Variants in KIF1A observed in about 807,000 individuals in gnomAD.
KIF1A encodes the protein kinesin-like protein KIF1A.
In KIF1A, 46 loss-of-function variants were observed where a neutral mutation model predicts 227.3. The observed-to-expected ratio is 0.20, with a 90% CI of 0.16 to 0.26. KIF1A has a LOEUF of 0.26. KIF1A is among the 10% of genes least tolerant of loss of function. The pLI, the probability that KIF1A is intolerant of heterozygous loss-of-function variation, is 1.00. For missense variants in KIF1A, 1,683 were observed against 2,485.9 expected, an observed-to-expected ratio of 0.68 and a Z score of 6.87; for synonymous variants, 1,022 against 1,012.8, an observed-to-expected ratio of 1.01 and a Z score of -0.17.
chr2:240,784,170 G>A (rs941836698), intron 7 of KIF1A, among the ~76,000 whole-genome samples: 2 of 152,178 alleles, frequency 1.3e-5, no homozygotes, highest in African/African-American at 4.8e-5. Flanking sequence ...CTCAGTGTCC[G>A]TGGTTGGATT....
chr2:240,815,861 G>A (rs1369097558), intron 1 of KIF1A, among the ~76,000 whole-genome samples: 1 of 152,194 alleles, frequency 6.6e-6, no homozygotes, highest in Non-Finnish European at 1.5e-5. Context: ...TGGCTCAGTG[G>A]GGTCCGAGCC....
Position 240,747,653 on chromosome 2 carries a change from T to C in KIF1A, c.2978-332A>G, listed in dbSNP as rs7595606. On this transcript the variant is annotated intron_variant, in intron 28 of 48. Transcript: ENST00000498729. ...CCCAGGTAGCCCCTCCCCATCCCCA[T>C]GTGCAGAGACCACCCCACCAGCCCT... is the stretch of plus-strand genomic sequence containing the variant. Among the ~76,000 whole-genome samples the C allele has an allele frequency of 4.5e-3, 684 of 152,236 alleles. 6 individuals carry two copies. The highest frequency in any genetic ancestry group is 0.015 in the African/African-American group (637 of 41,530).
intron 2 of KIF1A, among the ~76,000 whole-genome samples, chr2:240,795,400 G>A (rs756996102): frequency 2.0e-5 from 3 of 152,234 alleles, no homozygotes; most frequent in Admixed American, 1.3e-4. Flanking sequence ...CTCCTAAGCC[G>A]TGGGGTAAAG....
In KIF1A at chr2:240,775,329, T is replaced by C. The variant is rs1453084092; in HGVS notation, c.958+522A>G. Among the ~76,000 whole-genome samples, 1 of 152,218 alleles carries C rather than the reference T, an allele frequency of 6.6e-6. No individual in the cohort carries two copies. The highest frequency in any genetic ancestry group is 6.5e-5 in the Admixed American group (1 of 15,286). On this transcript the variant is annotated intron_variant, in intron 11 of 48. Coordinates refer to ENST00000498729, the MANE Select transcript of KIF1A (RefSeq NM_001244008.2). This position sits in a 1 kb window ranked among gnomAD's most constrained non-coding sequence, Gnocchi z 5.5. Reference sequence around the variant, plus strand: ...CTCCCTGGGCATCAGCCTCTCCAGCTGTAAATGCAGTTGGGGAGGACTCTG... The same window carrying C: ...CTCCCTGGGCATCAGCCTCTCCAGCCGTAAATGCAGTTGGGGAGGACTCTG...
chr2:240,752,592 C>T lies in KIF1A; in HGVS notation c.2859-2045G>A, dbSNP rs944826552. On this transcript the variant is annotated intron_variant, in intron 27 of 48. Transcript: ENST00000498729. This position sits in a 1 kb window ranked among gnomAD's most constrained non-coding sequence, Gnocchi z 6.4. The stretch of plus-strand genomic sequence containing the variant: ...CCAGAACTTGGGCCGCCAGACAGCA[C>T]GGCTCTTCCCCGTGGCTGGCGCACC... Among the ~76,000 whole-genome samples, 1 of 152,126 alleles carries T rather than the reference C, an allele frequency of 6.6e-6. No homozygotes were observed. Among genetic ancestry groups the T allele is most frequent in the African/African-American group, 2.4e-5 (1 of 41,426 alleles).
In KIF1A at chr2:240,740,072, C is replaced by T. The variant is rs371517661; in HGVS notation, c.3887G>A (p.Arg1296His). ...ACCGCACTCACCCACGACCAGCTCG[C>T]GCACTTCCTTCCAGCGGATATGGCT... ...TGSHIRWKEV[R>H]ELVVGRIRNT... is the part of the protein sequence containing the mutation. Residue 1296 changes from arginine to histidine, a missense_variant, in exon 37 of 49, where the codon CGC (arginine) becomes CAC (histidine). Physicochemically the swap from Arg to His is conservative, Grantham distance 29. This residue lies in a region of KIF1A where 759 missense variants were observed against 1,020.2 expected (regional missense o/e 0.74). Transcript: ENST00000498729. The surrounding 1 kb of genome is among the most constrained non-coding windows in gnomAD (Gnocchi z 6.1). 26 of 1,586,364 alleles carry T rather than the reference C, an allele frequency of 1.6e-5. No individual in the cohort carries two copies. The highest frequency in any genetic ancestry group is 7.0e-5 in the East Asian group (3 of 43,076).
rs1162579551 is a variant in KIF1A at position 240,782,607 on chromosome 2, C to G, written c.865G>C (p.Asp289His). 1.9e-6 allele frequency: 3 copies of G among 1,552,272 alleles called. No individual in the cohort carries two copies. The highest frequency in any genetic ancestry group is 8.7e-7 in the Non-Finnish European group (1 of 1,147,816). The change falls in exon 10 of 49, where the codon GAC (aspartate) becomes CAC (histidine). Residue 289 changes from aspartate to histidine, a missense_variant and splice_region_variant. This residue lies in a region of KIF1A where 15 missense variants were observed against 16.1 expected (regional missense o/e 0.93). Coordinates refer to ENST00000498729, the MANE Select transcript of KIF1A (RefSeq NM_001244008.2). ...GKVISALAEM[D>H]SGPNKNKKKK... The stretch of plus-strand genomic sequence containing the variant: ...CCGCTTACCTTGTTGGGTCCGGAGT[C>G]CTGAAAAGGAAAAGACAGAGAGAGG...
At chr2:240,756,559 A>G (rs1361207179) in intron 27 of KIF1A, among the ~76,000 whole-genome samples, 1 of 152,234 alleles carries the variant, frequency 6.6e-6, no homozygotes, top group Non-Finnish European at 1.5e-5. Flanking sequence ...CAAAGGGCAC[A>G]TTCCATGAGG....
intron 33 of KIF1A, 26 bp downstream of exon 33, chr2:240,743,916 C>A (rs755452268): frequency 2.0e-6 from 3 of 1,500,170 alleles, no homozygotes; most frequent in Non-Finnish European, 1.9e-6. Context: ...ACAGCAGCCC[C>A]GAACCCCCCG....
At chr2:240,820,586 C>G (rs1021068290), upstream of KIF1A, among the ~76,000 whole-genome samples, 2 of 151,696 alleles carry the variant, frequency 1.3e-5, no homozygotes, top group South Asian at 4.2e-4. This position sits in a 1 kb window ranked among gnomAD's most constrained non-coding sequence, Gnocchi z 6.2. Flanking sequence ...CTCGCCGGGC[C>G]GTCCCCCACC....
At chr2:240,744,276 GCT>G (rs1218536775) in intron 32 of KIF1A, among the ~76,000 whole-genome samples, 1 of 152,128 alleles carries the variant, frequency 6.6e-6, no homozygotes, top group Non-Finnish European at 1.5e-5. Flanking sequence ...TGTCCCTCGG[GCT>G]CTCTCTCCAG....
intron 10 of KIF1A, among the ~76,000 whole-genome samples, chr2:240,781,459 AGCTC>A (rs1349239387): frequency 0.095 from 3,358 of 35,258 alleles, 502 homozygotes; most frequent in Non-Finnish European, 0.12. Context: ...ACACACACAC[AGCTC>A]CACACACACA....
chr2:240,761,449 A>T, intron 23 of KIF1A, 72 bp from the exon 24 acceptor site: 1 of 1,437,370 alleles, frequency 7.0e-7, no homozygotes, highest in East Asian at 2.5e-5. Context: ...GCCCTCTGGA[A>T]GGTCAGGCTG....
At position 240,779,240 on chromosome 2, in the gene KIF1A, CCTCA is replaced by C. The variant is rs1185484093; in HGVS notation, c.883-3318_883-3315del. On this transcript the variant is annotated intron_variant, in intron 10 of 48. Coordinates refer to ENST00000498729, the MANE Select transcript of KIF1A (RefSeq NM_001244008.2). ...TCCACACTCAGTTCCACACTCAGTC[CCTCA>C]CTCAGTTCCACACTCAGTTCCTCAC... Among the ~76,000 whole-genome samples, 4 of 148,820 alleles carry C rather than the reference CCTCA, an allele frequency of 2.7e-5. 1 individual carries two copies. The highest frequency in any genetic ancestry group is 2.1e-4 in the South Asian group (1 of 4,742).
At chr2:240,774,079 A>G (rs2052399574) in intron 12 of KIF1A, 104 bp downstream of exon 12, 4 of 690,856 alleles carry the variant, frequency 5.8e-6, no homozygotes, top group Non-Finnish European at 1.0e-5. Flanking sequence ...ACCCCTCACA[A>G]AGAGTCGCCC....
chr2:240,757,423 ATCCTCCTCC>A lies in KIF1A; in HGVS notation c.2745_2753del (p.Glu915_Glu917del), dbSNP rs10594016. On this transcript the variant is annotated inframe_deletion, in exon 27 of 49. Transcript: ENST00000498729. The surrounding 1 kb of genome is among the most constrained non-coding windows in gnomAD (Gnocchi z 6.2). ...CGTCCTCCAGGTCCTCCTCCTCCTC[ATCCTCCTCC>A]TCCTCCTCCTCCTCCTCCTCCTCCC... The A allele has an allele frequency of 1.1e-4, 158 of 1,482,558 alleles. No homozygotes were observed. The highest frequency in any genetic ancestry group is 9.3e-4 in the African/African-American group (63 of 67,608). The allele number at this position is 1,482,558 out of a possible 1,614,324, so 91.8% of individuals were successfully genotyped here. A position where few individuals can be genotyped will look rare whatever the true frequency, so the allele number is the denominator to read the frequency against.
intron 37 of KIF1A, chr2:240,737,420 CTG>C: frequency 3.0e-6 from 1 of 335,272 alleles, no homozygotes; most frequent in Non-Finnish European, 5.7e-6. Context: ...TATACACACA[CTG>C]ACAAATGCAG....
chr2:240,719,771 C>T lies in KIF1A; in HGVS notation c.5021+3G>A, dbSNP rs1160803337. 3.8e-6 allele frequency: 6 copies of T among 1,571,384 alleles called. No individual in the cohort carries two copies. The highest frequency in any genetic ancestry group is 4.3e-6 in the Non-Finnish European group (5 of 1,157,828). ...CGGTGCTTTCCAGGGAGGCCCCACA[C>T]ACCTGACTCGGATCTCCTGGATGTC... On this transcript the variant is annotated splice_donor_region_variant and intron_variant, in intron 46 of 48. Transcript: ENST00000498729.
At position 240,719,144 on chromosome 2, in the gene KIF1A, G is replaced by T; in HGVS notation, c.5076C>A (p.Gly1692=). 1.9e-6 allele frequency: 3 copies of T among 1,612,398 alleles called. No individual in the cohort carries two copies. Among genetic ancestry groups the T allele is most frequent in the Non-Finnish European group, 2.5e-6 (3 of 1,179,630 alleles). The change falls in exon 47 of 49, where the codon GGC becomes GGA. Residue 1692 remains glycine, a synonymous_variant. Transcript: ENST00000498729. ...YLHFLEPHTS[G]WARRFVVVRR... The stretch of plus-strand genomic sequence containing the variant: ...GCACCACCACGAAGCGCCTGGCCCA[G>T]CCTGACGTGTGCGGCTCCAGGAAGT...
Sources: allele counts gnomAD v4.1 joint callset (sites outside exome capture counted in the v4.1 genomes callset), GRCh38; gene constraint gnomAD v4.1.1; regional missense constraint gnomAD v4.1.1; non-coding constraint Gnocchi (gnomAD v3.1); transcripts MANE v1.5; gene names NCBI Gene and HGNC (gene_info 2026-07-23, HGNC 2026-07-21).